The following PTPRQ variants were observed in gnomAD, a reference collection of about 807,000 sequenced individuals.
PTPRQ encodes phosphatidylinositol phosphatase PTPRQ.
A neutral mutation model predicts 246.0 loss-of-function variants in PTPRQ; 199 were observed. The observed-to-expected ratio is 0.81, with a 90% CI of 0.72 to 0.91. The LOEUF (loss-of-function observed/expected upper bound fraction) is 0.91. PTPRQ is among the 40% of genes least tolerant of loss of function. The pLI is 0.00. For missense variants in PTPRQ, 2,624 were observed against 2,528.4 expected, an observed-to-expected ratio of 1.04 and a Z score of -0.81; for synonymous variants, 869 against 853.2, an observed-to-expected ratio of 1.02 and a Z score of -0.32.
chr12:80,677,249 G>A (rs975602762), intron 43 of PTPRQ, among the ~76,000 whole-genome samples: 3 of 152,070 alleles, frequency 2.0e-5, no homozygotes, highest in African/African-American at 4.8e-5. Context: ...ACATATTTCT[G>A]TCAATAATGT....
chr12:80,500,196 G>T (rs1251929399), intron 14 of PTPRQ, among the ~76,000 whole-genome samples: 1 of 151,898 alleles, frequency 6.6e-6, no homozygotes, highest in Non-Finnish European at 1.5e-5. Flanking sequence ...CATGGACTAT[G>T]TATTTTTTCT....
intron 8 of PTPRQ, among the ~76,000 whole-genome samples, chr12:80,481,864 T>G (rs1394604525): frequency 6.6e-6 from 1 of 151,794 alleles, no homozygotes; most frequent in East Asian, 1.9e-4. Context: ...CGCTGCTCAA[T>G]GAAATAAAAG....
At chr12:80,572,342 T>C (rs112410823) in intron 25 of PTPRQ, among the ~76,000 whole-genome samples, 12,093 of 152,162 alleles carry the variant, frequency 0.079, 563 homozygotes, top group East Asian at 0.14. Context: ...ACACAATCAA[T>C]TTTTATATTG....
At chr12:80,452,525 A>G (rs184037792) in intron 3 of PTPRQ, among the ~76,000 whole-genome samples, 8,220 of 152,162 alleles carry the variant, frequency 0.054, 289 homozygotes, top group Middle Eastern at 0.088. Flanking sequence ...TTCCATGTTT[A>G]GTGCTTCCTT....
chr12:80,627,611 G>A (rs539040031), intron 33 of PTPRQ, among the ~76,000 whole-genome samples: 1 of 152,076 alleles, frequency 6.6e-6, no homozygotes, highest in East Asian at 1.9e-4. Flanking sequence ...ACTTCAGTCA[G>A]AAGATAATAC....
intron 35 of PTPRQ, among the ~76,000 whole-genome samples, chr12:80,642,127 A>G (rs1035597738): frequency 6.6e-6 from 1 of 152,172 alleles, no homozygotes; most frequent in Non-Finnish European, 1.5e-5. Flanking sequence ...GAACCTTTAT[A>G]GAACACCTCT....
At chr12:80,543,971 A>C (rs1788446049) in intron 23 of PTPRQ, among the ~76,000 whole-genome samples, 2 of 152,080 alleles carry the variant, frequency 1.3e-5, no homozygotes, top group Admixed American at 1.3e-4. Flanking sequence ...CAAAAGGAAA[A>C]AAGAATCATT....
At chr12:80,673,420 A>G (rs1351325052) in intron 43 of PTPRQ, 116 bp downstream of exon 43, 6 of 1,428,028 alleles carry the variant, frequency 4.2e-6, no homozygotes, top group Non-Finnish European at 5.5e-6. Flanking sequence ...TTCTTTTCCT[A>G]CATTATAAGC....
intron 16 of PTPRQ, among the ~76,000 whole-genome samples, chr12:80,509,615 T>A (rs562341138): frequency 3.3e-5 from 5 of 152,236 alleles, no homozygotes; most frequent in African/African-American, 1.2e-4. Context: ...TAAATGGAAA[T>A]ATAAAGTTGG....
chr12:80,465,551 A>G (rs1199182573), intron 6 of PTPRQ: 1 of 152,234 alleles, frequency 6.6e-6, no homozygotes, highest in South Asian at 2.1e-4. Flanking sequence ...AGACACAACC[A>G]AAAAAGAGAA....
rs1449018706 is a variant in PTPRQ at position 80,549,671 on chromosome 12, G to C, written c.4222G>C (p.Ala1408Pro). The stretch of plus-strand genomic sequence containing the variant: ...TACCTCATATGTCTTTAAAGTAAGA[G>C]CTTCAACCTCAGCTGGTGAAGGTGA... ...ANTSYVFKVR[A>P]STSAGEGDES... Residue 1408 changes from alanine to proline, a missense_variant, in exon 25 of 45, where the codon GCT becomes CCT. Coordinates refer to ENST00000644991, the MANE Select transcript of PTPRQ (RefSeq NM_001145026.2). The C allele has an allele frequency of 1.3e-6, 2 of 1,551,094 alleles. No homozygotes were observed. Among genetic ancestry groups the C allele is most frequent in the Non-Finnish European group, 1.7e-6 (2 of 1,146,534 alleles).
intron 25 of PTPRQ, among the ~76,000 whole-genome samples, chr12:80,562,464 T>C (rs976864853): frequency 1.3e-5 from 2 of 152,198 alleles, no homozygotes; most frequent in African/African-American, 4.8e-5. Flanking sequence ...ATGCAAAGTT[T>C]GAGCTGAAAT....
intron 27 of PTPRQ, among the ~76,000 whole-genome samples, chr12:80,607,377 A>C (rs1898362708): frequency 6.6e-6 from 1 of 150,902 alleles, no homozygotes; most frequent in Non-Finnish European, 1.5e-5. Flanking sequence ...ACAGATTCAG[A>C]TAGAACCTAG....
intron 6 of PTPRQ, among the ~76,000 whole-genome samples, chr12:80,467,816 A>T (rs1893484004): frequency 6.6e-6 from 1 of 151,414 alleles, no homozygotes. Flanking sequence ...ATGAGAACAC[A>T]TGGACACAGG....
chr12:80,503,134 G>A (rs1894854114), intron 14 of PTPRQ, among the ~76,000 whole-genome samples: 1 of 151,804 alleles, frequency 6.6e-6, no homozygotes, highest in Non-Finnish European at 1.5e-5. Flanking sequence ...CCTATCGTTA[G>A]TGAGACTATG....
At chr12:80,597,183 T>A (rs1897997444) in intron 26 of PTPRQ, among the ~76,000 whole-genome samples, 1 of 151,932 alleles carries the variant, frequency 6.6e-6, no homozygotes, top group Admixed American at 6.6e-5. Flanking sequence ...TACCCTTGAT[T>A]TTCATTTTTC....
At chr12:80,618,476 T>C (rs181562936) in intron 30 of PTPRQ, among the ~76,000 whole-genome samples, 1 of 151,312 alleles carries the variant, frequency 6.6e-6, no homozygotes, top group Non-Finnish European at 1.5e-5. Flanking sequence ...TATGCATTGA[T>C]GACAAATTAT....
rs1285344266 is a variant in PTPRQ, at chr12:80,539,782, A to G, written c.2992A>G (p.Thr998Ala). The G allele has an allele frequency of 6.5e-7, 1 of 1,528,442 alleles. No homozygotes were observed. The allele number at this position is 1,528,442 out of a possible 1,614,324, so 94.7% of individuals were successfully genotyped here. ...NTSGTFMQNF[T>A]LHEVTNDFDN... ...GAATGTGTTTATTTTTCAGAATTTT[A>G]CACTCCATGAAGTAACCAATGACTT... Residue 998 changes from threonine (T) to alanine (A), a missense_variant, in exon 20 of 45, where the codon ACA (threonine) becomes GCA (alanine). Physicochemically the swap from Thr to Ala is moderately conservative, Grantham distance 58. Transcript: ENST00000644991.
intron 17 of PTPRQ, among the ~76,000 whole-genome samples, chr12:80,514,402 A>ACTCTCTCTCTCT (rs1350863785): frequency 8.8e-6 from 1 of 113,022 alleles, no homozygotes; most frequent in East Asian, 3.1e-4. Flanking sequence ...ACACACACAC[A>ACTCTCTCTCTCT]CTCTCTCTCT....
Sources: allele counts gnomAD v4.1 joint callset (sites outside exome capture counted in the v4.1 genomes callset), GRCh38; gene constraint gnomAD v4.1.1; transcripts MANE v1.5; gene names NCBI Gene and HGNC (gene_info 2026-07-23, HGNC 2026-07-21).